FOXP1: variants seen among roughly 807,000 people sequenced by gnomAD.
FOXP1 encodes forkhead box P1, also known as forkhead box protein P1.
A neutral mutation model predicts 98.2 loss-of-function variants in FOXP1; 15 were observed. The ratio of observed to expected loss-of-function variants is 0.15; its 90% CI spans 0.10 to 0.24. The LOEUF (loss-of-function observed/expected upper bound fraction) is 0.24. Among genes scored for constraint, FOXP1 ranks in the 10% least tolerant of loss-of-function variants. The pLI is 1.00. For missense variants in FOXP1, 633 were observed against 848.5 expected (o/e 0.75, Z 3.15); for synonymous variants, 371 against 314.5 (o/e 1.18, Z -1.90).
rs566473950 is a variant in FOXP1 at position 71,409,359 on chromosome 3, C to T, written c.-167-50115G>A. The stretch of plus-strand genomic sequence containing the variant: ...GAGTAGTTTTGGCCACTGCTGCATA[C>T]TAATAATCTGTGAACTAGTACCTGG... On this transcript the variant is annotated intron_variant, in intron 3 of 20. Transcript: ENST00000649528. 3.7e-4 allele frequency among the ~76,000 whole-genome samples: 56 copies of T among 152,166 alleles called. 2 individuals carry two copies. The South Asian group carries it at 0.011, about 31-fold the overall frequency.
At chr3:70,982,388 G>A (rs2039017977) in intron 14 of FOXP1, among the ~76,000 whole-genome samples, 1 of 152,174 alleles carries the variant, frequency 6.6e-6, no homozygotes, top group African/African-American at 2.4e-5. Flanking sequence ...GGAATGGACT[G>A]GGAGGGTTTC....
At chr3:71,188,340 T>C (rs1475705940) in intron 6 of FOXP1, among the ~76,000 whole-genome samples, 1 of 152,158 alleles carries the variant, frequency 6.6e-6, no homozygotes, top group African/African-American at 2.4e-5. Context: ...AAGTTGAAGA[T>C]GAGACAAGGT....
At chr3:71,573,788 T>C (rs2047520783) in intron 2 of FOXP1, 1 of 152,180 alleles carries the variant, frequency 6.6e-6, no homozygotes, top group African/African-American at 2.4e-5. Flanking sequence ...CTCAATCAAC[T>C]AGCTTCTTTC....
In FOXP1 at chr3:71,164,923, A is replaced by T. The variant is rs76405160; in HGVS notation, c.180+33279T>A. On this transcript the variant is annotated intron_variant, in intron 6 of 20. Coordinates refer to ENST00000649528, the MANE Select transcript of FOXP1 (RefSeq NM_001349338.3). Reference sequence around the variant, plus strand: ...CTCCAAAGTTATAAAGAAAAAAGAGAGTAGTTAAGATGACCAGAGTTACAA... The same window carrying T: ...CTCCAAAGTTATAAAGAAAAAAGAGTGTAGTTAAGATGACCAGAGTTACAA... Among the ~76,000 whole-genome samples the T allele has an allele frequency of 9.6e-3, 1,458 of 152,308 alleles. 13 individuals carry two copies. The highest frequency in any genetic ancestry group is 0.033 in the Admixed American group (498 of 15,306).
Position 71,431,087 on chromosome 3 carries a change from C to T in FOXP1, c.-168+62339G>A, listed in dbSNP as rs189786716. ...GAGTGGTGGAAGATGAGCCGGTGGA[C>T]ATGTCCCTTGCGTGCATGCAGCAAG... On this transcript the variant is annotated intron_variant, in intron 3 of 20. Coordinates refer to ENST00000649528, the MANE Select transcript of FOXP1 (RefSeq NM_001349338.3). Among the ~76,000 whole-genome samples the T allele has an allele frequency of 6.7e-4, 102 of 152,304 alleles. No individual in the cohort carries two copies. The Middle Eastern group carries it at 0.017, about 25-fold the overall frequency.
At chr3:71,031,067 TA>T (rs2046805161) in intron 11 of FOXP1, among the ~76,000 whole-genome samples, 1 of 152,228 alleles carries the variant, frequency 6.6e-6, no homozygotes, top group Admixed American at 6.5e-5. Flanking sequence ...CACTGATTAC[TA>T]AAATGACTCC....
intron 2 of FOXP1, among the ~76,000 whole-genome samples, chr3:71,505,261 C>T (rs1254253650): frequency 1.3e-5 from 2 of 152,000 alleles, no homozygotes; most frequent in South Asian, 2.1e-4. Context: ...CAGGCAAACC[C>T]GGGAAGCAGA....
intron 11 of FOXP1, among the ~76,000 whole-genome samples, chr3:71,031,610 C>T (rs1433516653): frequency 2.0e-5 from 3 of 152,170 alleles, no homozygotes; most frequent in East Asian, 1.9e-4. Flanking sequence ...ATTTCTGAGG[C>T]GGATAATGAT....
At chr3:71,395,100 CAAAAAAAAAA>C (rs10543398) in intron 3 of FOXP1, among the ~76,000 whole-genome samples, 2 of 63,798 alleles carry the variant, frequency 3.1e-5, no homozygotes, top group Admixed American at 2.2e-4. Context: ...AACCCCGTCA[CAAAAAAAAAA>C]AAAAAAAAAA....
chr3:71,262,639 T>C (rs1470458065), intron 5 of FOXP1, among the ~76,000 whole-genome samples: 2 of 152,130 alleles, frequency 1.3e-5, no homozygotes, highest in African/African-American at 4.8e-5. Flanking sequence ...ATCATTCCCC[T>C]CATTGAGTGA....
At chr3:71,118,483 C>T (rs971014698) in intron 6 of FOXP1, among the ~76,000 whole-genome samples, 2 of 152,132 alleles carry the variant, frequency 1.3e-5, no homozygotes, top group East Asian at 3.8e-4. Context: ...ATGGTTTGAA[C>T]AGGCATGCAC....
intron 4 of FOXP1, among the ~76,000 whole-genome samples, chr3:71,331,480 C>T (rs957809567): frequency 2.0e-5 from 3 of 151,808 alleles, no homozygotes; most frequent in East Asian, 1.9e-4. Flanking sequence ...CTGAGGAGTG[C>T]GGGCGCACGG....
intron 9 of FOXP1, among the ~76,000 whole-genome samples, chr3:71,050,757 C>T (rs1045974198): frequency 6.6e-6 from 1 of 152,180 alleles, no homozygotes; most frequent in Non-Finnish European, 1.5e-5. Flanking sequence ...TCTGATGTGA[C>T]TCAATGACAA....
At chr3:71,064,927 G>C in intron 7 of FOXP1, 1 of 340,744 alleles carries the variant, frequency 2.9e-6, no homozygotes, top group Non-Finnish European at 4.1e-6. Context: ...CGGACTGCAC[G>C]CGCGCAGGGG....
chr3:71,349,309 T>C (rs1009671778), intron 4 of FOXP1, among the ~76,000 whole-genome samples: 1 of 152,240 alleles, frequency 6.6e-6, no homozygotes, highest in East Asian at 1.9e-4. Context: ...CCTTATGAAA[T>C]GCATCATTTT....
intron 3 of FOXP1, among the ~76,000 whole-genome samples, chr3:71,368,475 T>G (rs952625678): frequency 6.6e-6 from 1 of 152,158 alleles, no homozygotes; most frequent in Non-Finnish European, 1.5e-5. Flanking sequence ...ATGCAAAAGT[T>G]AAGAACCACT....
chr3:70,963,392 C>A (rs896846478), intron 20 of FOXP1, among the ~76,000 whole-genome samples: 2 of 152,196 alleles, frequency 1.3e-5, no homozygotes, highest in African/African-American at 4.8e-5. Context: ...CACAGCACTT[C>A]AAAGAACAAA....
intron 20 of FOXP1, among the ~76,000 whole-genome samples, chr3:70,965,577 T>C (rs2034581117): frequency 6.6e-6 from 1 of 152,094 alleles, no homozygotes; most frequent in South Asian, 2.1e-4. Context: ...TTCATAGGAA[T>C]GCATATTAGT....
intron 9 of FOXP1, among the ~76,000 whole-genome samples, chr3:71,047,680 C>T (rs1357835332): frequency 6.6e-6 from 1 of 152,186 alleles, no homozygotes; most frequent in Admixed American, 6.5e-5. Flanking sequence ...TAATTACACA[C>T]ATTCATAATT....
Sources: gnomAD v4.1 joint callset for allele counts (sites outside exome capture counted in the v4.1 genomes callset) on GRCh38, gnomAD v4.1.1 for gene constraint, MANE v1.5 for transcripts, NCBI Gene and HGNC (gene_info 2026-07-23, HGNC 2026-07-21) for gene names.